The following PARD3 variants were observed in gnomAD, a reference collection of about 807,000 sequenced individuals.
PARD3 encodes the protein par-3 family cell polarity regulator.
Under a neutral mutation model 155.4 loss-of-function variants are expected in PARD3, and 75 were observed. The ratio of observed to expected loss-of-function variants is 0.48; its 90% CI spans 0.40 to 0.58. PARD3 has a LOEUF of 0.58. PARD3 is among the 20% of genes least tolerant of loss of function. The pLI, the probability that PARD3 is intolerant of heterozygous loss-of-function variation, is 0.00. For missense variants in PARD3, 1,642 were observed against 1,721.7 expected (o/e 0.95, Z 0.82); for synonymous variants, 576 against 610.5 (o/e 0.94, Z 0.83).
chr10:34,650,908 G>A (rs2092990205), intron 2 of PARD3, among the ~76,000 whole-genome samples: 1 of 151,058 alleles, frequency 6.6e-6, no homozygotes, highest in African/African-American at 2.4e-5. Flanking sequence ...CTACTCGGGA[G>A]GCTGAGGCAG....
intron 4 of PARD3, among the ~76,000 whole-genome samples, chr10:34,455,640 C>T (rs138488562): frequency 2.1e-3 from 326 of 152,024 alleles, no homozygotes; most frequent in Middle Eastern, 3.4e-3. Flanking sequence ...ACACACAAAA[C>T]GCAGGCTTAA....
At chr10:34,727,738 G>T (rs548189846) in intron 1 of PARD3, among the ~76,000 whole-genome samples, 1 of 151,836 alleles carries the variant, frequency 6.6e-6, no homozygotes, top group Non-Finnish European at 1.5e-5. Flanking sequence ...GCCCTGTTAC[G>T]AAACCCCGGC....
intron 20 of PARD3, 149 bp downstream of exon 20, chr10:34,316,958 A>C: frequency 1.8e-6 from 1 of 547,778 alleles, no homozygotes; most frequent in Admixed American, 3.9e-5. Flanking sequence ...TGGATTTGGA[A>C]TCCTGGGCTC....
chr10:34,309,469 C>T (rs1448320908), intron 20 of PARD3, among the ~76,000 whole-genome samples: 2 of 135,030 alleles, frequency 1.5e-5, no homozygotes, highest in Non-Finnish European at 3.0e-5. Context: ...GAGGTGGGAG[C>T]ATCACTTGAG....
intron 1 of PARD3, among the ~76,000 whole-genome samples, chr10:34,728,974 C>T (rs2094768237): frequency 6.6e-6 from 1 of 152,134 alleles, no homozygotes; most frequent in Non-Finnish European, 1.5e-5. Context: ...AGAAACACAA[C>T]TATGTACCAC....
intron 2 of PARD3, among the ~76,000 whole-genome samples, chr10:34,630,101 A>T (rs2092185995): frequency 6.6e-6 from 1 of 152,178 alleles, no homozygotes; most frequent in Non-Finnish European, 1.5e-5. Flanking sequence ...GAGGAAATGG[A>T]GAAAGTGATC....
intron 22 of PARD3, among the ~76,000 whole-genome samples, chr10:34,237,691 T>C (rs1246391340): frequency 6.6e-6 from 1 of 152,200 alleles, no homozygotes; most frequent in Non-Finnish European, 1.5e-5. Flanking sequence ...GACATTTGAT[T>C]AGGACATTAT....
At chr10:34,174,464 C>T (rs951450287) in intron 22 of PARD3, among the ~76,000 whole-genome samples, 25 of 152,250 alleles carry the variant, frequency 1.6e-4, no homozygotes, top group Middle Eastern at 3.4e-3. Context: ...TTGTGTTACA[C>T]ATTGAAGGTC....
chr10:34,700,555 T>G (rs1368156474), intron 1 of PARD3, among the ~76,000 whole-genome samples: 4 of 152,068 alleles, frequency 2.6e-5, no homozygotes, highest in Non-Finnish European at 5.9e-5. Context: ...CTGTCTAACT[T>G]AAGACCAGAA....
chr10:34,183,532 G>C (rs1300096541), intron 22 of PARD3, among the ~76,000 whole-genome samples: 1 of 152,114 alleles, frequency 6.6e-6, no homozygotes, highest in African/African-American at 2.4e-5. Flanking sequence ...TACCTAACAC[G>C]GCCAACATGG....
At chr10:34,298,466 A>G (rs1216693147) in intron 20 of PARD3, among the ~76,000 whole-genome samples, 1 of 152,238 alleles carries the variant, frequency 6.6e-6, no homozygotes. Flanking sequence ...AGCCTTGAGG[A>G]CATTATACTA....
intron 4 of PARD3, among the ~76,000 whole-genome samples, chr10:34,452,847 A>G (rs1003632081): frequency 2.0e-5 from 3 of 152,166 alleles, no homozygotes; most frequent in African/African-American, 7.2e-5. Context: ...TCCCTAAAAC[A>G]TTTAGAATTA....
At chr10:34,561,501 C>T (rs1413819584) in intron 2 of PARD3, among the ~76,000 whole-genome samples, 1 of 151,870 alleles carries the variant, frequency 6.6e-6, no homozygotes, top group Non-Finnish European at 1.5e-5. Flanking sequence ...AGCTGTAACG[C>T]ACATTTATTT....
intron 1 of PARD3, among the ~76,000 whole-genome samples, chr10:34,749,481 T>G (rs1835721803): frequency 6.6e-6 from 1 of 151,060 alleles, no homozygotes; most frequent in Admixed American, 6.6e-5. Flanking sequence ...TATAATAAAA[T>G]AATAAACTAT....
intron 21 of PARD3, among the ~76,000 whole-genome samples, chr10:34,271,229 A>G (rs1289642038): frequency 6.6e-6 from 1 of 152,188 alleles, no homozygotes; most frequent in South Asian, 2.1e-4. Flanking sequence ...TAAAGACAGC[A>G]GCAAAGAAAA....
At chr10:34,590,528 G>A (rs1204075661) in intron 2 of PARD3, among the ~76,000 whole-genome samples, 1 of 152,136 alleles carries the variant, frequency 6.6e-6, no homozygotes, top group East Asian at 1.9e-4. Flanking sequence ...TTTTAAAACT[G>A]GGAGTGGGCA....
intron 5 of PARD3, among the ~76,000 whole-genome samples, chr10:34,411,678 C>G (rs574071132): frequency 6.6e-6 from 1 of 151,710 alleles, no homozygotes; most frequent in East Asian, 2.0e-4. Context: ...ATCACATGAG[C>G]CAATTCCTTA....
At chr10:34,505,933 C>A (rs889716017) in intron 3 of PARD3, among the ~76,000 whole-genome samples, 3 of 152,090 alleles carry the variant, frequency 2.0e-5, no homozygotes, top group Admixed American at 6.6e-5. Context: ...CGAGGCCAGC[C>A]TAGCCAACAT....
chr10:34,269,792 T>C lies in PARD3; in HGVS notation c.3284A>G (p.Tyr1095Cys), dbSNP rs772334559. The C allele has an allele frequency of 3.4e-5, 55 of 1,613,982 alleles. No homozygotes were observed. The Middle Eastern group carries it at 6.4e-3, about 189-fold the overall frequency. Residue 1095 changes from tyrosine to cysteine, a missense_variant, in exon 22 of 25, where the codon TAT becomes TGT. Coordinates refer to ENST00000374788, the MANE Select transcript of PARD3 (RefSeq NM_001184785.2). ...ACCTTCATAAGAAGAAACTCCCCCATACATTAACTCATCATCACAGCCAAA... is the reference window on the plus strand; with the variant it reads ...ACCTTCATAAGAAGAAACTCCCCCACACATTAACTCATCATCACAGCCAAA... The part of the protein sequence containing the change: ...RTFGCDDELM[Y>C]GGVSSYEGSM...
Sources: gnomAD v4.1 joint callset for allele counts (sites outside exome capture counted in the v4.1 genomes callset) on GRCh38, gnomAD v4.1.1 for gene constraint, MANE v1.5 for transcripts, NCBI Gene and HGNC (gene_info 2026-07-23, HGNC 2026-07-21) for gene names.